Variants in AHI1 observed in about 807,000 individuals in gnomAD.
AHI1 encodes the protein jouberin.
A neutral mutation model predicts 149.3 loss-of-function variants in AHI1; 123 were observed. The ratio of observed to expected loss-of-function variants is 0.82; its 90% confidence interval spans 0.71 to 0.96. The LOEUF is 0.96. Ranked by LOEUF, AHI1 falls within the 40% of genes least tolerant of loss-of-function variation. The probability of loss-of-function intolerance (pLI) is 0.00; values close to 1 mark genes in which losing one functional copy is unlikely to be tolerated. For missense variants in AHI1, 1,439 were observed against 1,422.7 expected (o/e 1.01, Z -0.18); for synonymous variants, 475 against 459.8 (o/e 1.03, Z -0.42).
At chr6:135,325,150 C>T (rs1787463789) in intron 24 of AHI1, among the ~76,000 whole-genome samples, 1 of 151,982 alleles carries the variant, frequency 6.6e-6, no homozygotes, top group Non-Finnish European at 1.5e-5. Context: ...CCTCAGCCTC[C>T]TGAGTAGTTG....
rs748846103 is a variant in AHI1, at chr6:135,404,988, T to C, written c.2962-11A>G. Reference sequence around the variant, plus strand: ...GGAACGTATCACCTCCTAAAAGAAATACAATAAAATAAGGAAGTATTCATA... The same window carrying C: ...GGAACGTATCACCTCCTAAAAGAAACACAATAAAATAAGGAAGTATTCATA... On this transcript the variant is annotated splice_polypyrimidine_tract_variant and intron_variant, in intron 21 of 28. Transcript: ENST00000265602. The C allele has an allele frequency of 6.3e-6, 10 of 1,597,440 alleles. No individual in the cohort carries two copies. The highest frequency in any genetic ancestry group is 6.9e-6 in the Non-Finnish European group (8 of 1,166,884).
At chr6:135,412,540 C>G (rs1781753664) in intron 20 of AHI1, among the ~76,000 whole-genome samples, 1 of 152,102 alleles carries the variant, frequency 6.6e-6, no homozygotes, top group Admixed American at 6.5e-5. Context: ...GGTGAATGTT[C>G]TGATGATGAC....
chr6:135,411,175 T>C (rs1169427505), intron 21 of AHI1, among the ~76,000 whole-genome samples, 173 bp downstream of exon 21: 5 of 152,168 alleles, frequency 3.3e-5, no homozygotes, highest in Admixed American at 2.6e-4. Flanking sequence ...TAAATTCAGG[T>C]TGTCTGTTGC....
chr6:135,443,012 T>C (rs1191075601), intron 13 of AHI1, among the ~76,000 whole-genome samples: 1 of 152,218 alleles, frequency 6.6e-6, no homozygotes. Context: ...ACTGCTTCTA[T>C]ATAGCTACTA....
chr6:135,420,739 T>C (rs889790981), intron 20 of AHI1, among the ~76,000 whole-genome samples: 4 of 152,190 alleles, frequency 2.6e-5, no homozygotes, highest in African/African-American at 9.6e-5. Context: ...TCATCTTTTA[T>C]CCAGATCACT....
At chr6:135,312,956 A>T (rs1785421762) in intron 26 of AHI1, among the ~76,000 whole-genome samples, 1 of 152,250 alleles carries the variant, frequency 6.6e-6, no homozygotes, top group Non-Finnish European at 1.5e-5. Flanking sequence ...CTTGAACATG[A>T]AATTAAATAT....
At chr6:135,389,763 A>T (rs569391269) in intron 23 of AHI1, among the ~76,000 whole-genome samples, 1 of 152,368 alleles carries the variant, frequency 6.6e-6, no homozygotes, top group Admixed American at 6.5e-5. Flanking sequence ...AAGTCCATAA[A>T]AATGAAATAT....
At chr6:135,421,339 A>C (rs1315914106) in intron 20 of AHI1, among the ~76,000 whole-genome samples, 1 of 152,190 alleles carries the variant, frequency 6.6e-6, no homozygotes, top group Non-Finnish European at 1.5e-5. Context: ...CAAACCTTCA[A>C]TTTGTAGAAA....
chr6:135,416,232 C>T (rs1013962101), intron 20 of AHI1, among the ~76,000 whole-genome samples: 62 of 151,852 alleles, frequency 4.1e-4, no homozygotes, highest in Admixed American at 8.5e-4. Context: ...CCATGAAATC[C>T]ATTAAAAATT....
At chr6:135,351,336 G>A (rs775849320) in intron 24 of AHI1, among the ~76,000 whole-genome samples, 79 of 152,230 alleles carry the variant, frequency 5.2e-4, no homozygotes, top group Non-Finnish European at 5.3e-4. Flanking sequence ...GCTATCTCCT[G>A]TAATTAAATA....
chr6:135,310,597 G>A (rs1254788450), intron 26 of AHI1, among the ~76,000 whole-genome samples: 3 of 152,138 alleles, frequency 2.0e-5, no homozygotes, highest in Admixed American at 2.0e-4. Context: ...ATAAAATAAT[G>A]AAAATTATTA....
At chr6:135,405,728 C>T (rs1249870112) in intron 21 of AHI1, among the ~76,000 whole-genome samples, 9 of 151,588 alleles carry the variant, frequency 5.9e-5, no homozygotes, top group South Asian at 2.1e-4. Flanking sequence ...GGCGTTGTGG[C>T]GCGTACCTGT....
intron 23 of AHI1, among the ~76,000 whole-genome samples, chr6:135,366,451 T>A (rs1402538860): frequency 6.6e-6 from 1 of 152,210 alleles, no homozygotes; most frequent in Non-Finnish European, 1.5e-5. Context: ...TTTATTACCA[T>A]TTCAATCTTT....
intron 6 of AHI1, 51 bp from the exon 7 acceptor site, chr6:135,466,424 A>G (rs1277642068): frequency 1.9e-5 from 28 of 1,451,742 alleles, no homozygotes; most frequent in Non-Finnish European, 2.4e-5. Context: ...TAGATTAGTT[A>G]TATAAAGAAA....
chr6:135,493,847 T>C (rs1364145237), intron 3 of AHI1, among the ~76,000 whole-genome samples: 1 of 152,120 alleles, frequency 6.6e-6, no homozygotes, highest in Non-Finnish European at 1.5e-5. Flanking sequence ...GTTTGTGTCC[T>C]GTCTGGCCAA....
intron 3 of AHI1, among the ~76,000 whole-genome samples, chr6:135,495,106 CTG>C (rs60553002): frequency 0.094 from 14,362 of 152,040 alleles, 1,676 homozygotes; most frequent in African/African-American, 0.28. Flanking sequence ...GACAGTAACT[CTG>C]AGGGACAAAA....
intron 24 of AHI1, among the ~76,000 whole-genome samples, chr6:135,324,355 C>T (rs1317784179): frequency 6.6e-6 from 1 of 151,442 alleles, no homozygotes; most frequent in Non-Finnish European, 1.5e-5. Context: ...AAAAAAATCC[C>T]TTATAGTAGT....
intron 21 of AHI1, among the ~76,000 whole-genome samples, chr6:135,406,966 C>T (rs530020000): frequency 9.2e-5 from 14 of 152,136 alleles, no homozygotes; most frequent in Admixed American, 2.6e-4. Context: ...GATTTACCAA[C>T]GCTCTCAAGA....
chr6:135,466,771 T>C (rs1790835371), intron 6 of AHI1, among the ~76,000 whole-genome samples: 1 of 152,168 alleles, frequency 6.6e-6, no homozygotes, highest in Non-Finnish European at 1.5e-5. Context: ...ATAGGAAATA[T>C]ACATGGGTCA....
Sources: allele counts gnomAD v4.1 joint callset (sites outside exome capture counted in the v4.1 genomes callset), GRCh38; gene constraint gnomAD v4.1.1; transcripts MANE v1.5; gene names NCBI Gene and HGNC (gene_info 2026-07-23, HGNC 2026-07-21).